The following LRRIQ3 variants were observed in gnomAD, a reference collection of about 807,000 sequenced individuals.
LRRIQ3 encodes leucine-rich repeat and IQ domain-containing protein 3.
A neutral mutation model predicts 59.3 loss-of-function variants in LRRIQ3; 75 were observed. That is an observed-to-expected ratio of 1.26 (90% CI 1.05 to 1.53). The LOEUF (loss-of-function observed/expected upper bound fraction) is 1.53. LRRIQ3 is among the 40% of genes most tolerant of loss of function. The probability of loss-of-function intolerance (pLI) is 0.00; values close to 1 mark genes in which losing one functional copy is unlikely to be tolerated. For synonymous variants in LRRIQ3, 250 were observed against 231.3 expected (o/e 1.08, Z -0.73); for missense variants, 831 against 710.0 (o/e 1.17, Z -1.94).
intron 4 of LRRIQ3, among the ~76,000 whole-genome samples, chr1:74,112,318 G>T (rs1019212591): frequency 6.6e-6 from 1 of 152,178 alleles, no homozygotes; most frequent in East Asian, 1.9e-4. Context: ...AAATCTAAAG[G>T]CACTGTTAAA....
intron 5 of LRRIQ3, among the ~76,000 whole-genome samples, chr1:74,075,568 GA>G (rs745376071): frequency 8.7e-4 from 117 of 134,366 alleles, no homozygotes; most frequent in Middle Eastern, 3.8e-3. Context: ...CTCCGTCTCA[GA>G]AAAAAAAAAA....
intron 6 of LRRIQ3, among the ~76,000 whole-genome samples, chr1:74,063,159 G>A (rs527719722): frequency 6.6e-6 from 1 of 150,820 alleles, no homozygotes; most frequent in East Asian, 2.0e-4. Context: ...AACAAAACGA[G>A]GAAGGGTGTT....
intron 3 of LRRIQ3, chr1:74,180,679 A>G: frequency 1.3e-6 from 2 of 1,539,772 alleles, no homozygotes; most frequent in Admixed American, 2.0e-5. Context: ...TTGTGATGCA[A>G]TGTTGACTGC....
chr1:74,151,320 G>A (rs1256448102), intron 4 of LRRIQ3, among the ~76,000 whole-genome samples: 1 of 152,118 alleles, frequency 6.6e-6, no homozygotes, highest in Non-Finnish European at 1.5e-5. Context: ...GGCACTGTGG[G>A]ATAATAGTTA....
At chr1:74,112,811 C>T (rs1312311883) in intron 4 of LRRIQ3, among the ~76,000 whole-genome samples, 1 of 152,054 alleles carries the variant, frequency 6.6e-6, no homozygotes, top group Non-Finnish European at 1.5e-5. Context: ...AATTATTAAA[C>T]AAATAAACAA....
At chr1:74,166,173 C>A (rs1428680276) in intron 3 of LRRIQ3, among the ~76,000 whole-genome samples, 2 of 151,664 alleles carry the variant, frequency 1.3e-5, no homozygotes, top group Admixed American at 1.3e-4. Context: ...TCCAGTGAAG[C>A]AATCTAGTCT....
At chr1:74,088,664 T>G (rs1646358243) in intron 5 of LRRIQ3, among the ~76,000 whole-genome samples, 1 of 151,898 alleles carries the variant, frequency 6.6e-6, no homozygotes, top group African/African-American at 2.4e-5. Context: ...ACATGAAAAT[T>G]AGCTCATGAT....
chr1:74,128,251 G>T (rs977754356), intron 4 of LRRIQ3, among the ~76,000 whole-genome samples: 1 of 151,910 alleles, frequency 6.6e-6, no homozygotes, highest in African/African-American at 2.4e-5. Context: ...CTTAGATATT[G>T]ACATCTTTCT....
chr1:74,111,433 T>G (rs1186044032), intron 4 of LRRIQ3, among the ~76,000 whole-genome samples: 1 of 151,940 alleles, frequency 6.6e-6, no homozygotes, highest in Admixed American at 6.6e-5. Context: ...CTTCATGAGA[T>G]AAGACCACAT....
At chr1:74,046,860 C>T (rs1366689246) in intron 6 of LRRIQ3, among the ~76,000 whole-genome samples, 1 of 152,202 alleles carries the variant, frequency 6.6e-6, no homozygotes, top group Non-Finnish European at 1.5e-5. Context: ...AGCTCATCAT[C>T]TTTGGTCATT....
Position 74,195,136 on chromosome 1 carries a change from T to G in LRRIQ3, c.-1+2860A>C, listed in dbSNP as rs141653465. On this transcript the variant is annotated intron_variant, in intron 1 of 7. Coordinates refer to ENST00000354431, the MANE Select transcript of LRRIQ3 (RefSeq NM_001105659.2). ...AGGGCATAGTGAGAAAAAAAATATT[T>G]AAGAAATAAATTGAGAACAGGCTAG... Among the ~76,000 whole-genome samples the G allele has an allele frequency of 3.7e-3, 564 of 152,244 alleles. 9 individuals carry two copies. The highest frequency in any genetic ancestry group is 0.013 in the African/African-American group (525 of 41,536).
At chr1:74,142,776 C>T (rs1487609805) in intron 4 of LRRIQ3, among the ~76,000 whole-genome samples, 1 of 151,878 alleles carries the variant, frequency 6.6e-6, no homozygotes, top group Non-Finnish European at 1.5e-5. Flanking sequence ...AAGGCCATGC[C>T]ACTTATTTTT....
intron 4 of LRRIQ3, among the ~76,000 whole-genome samples, chr1:74,150,483 G>A (rs1647860689): frequency 6.6e-6 from 1 of 151,808 alleles, no homozygotes; most frequent in Admixed American, 6.6e-5. Context: ...CTCCCCATTG[G>A]ATAAGATAAC....
intron 7 of LRRIQ3, among the ~76,000 whole-genome samples, chr1:74,038,942 C>A (rs918769407): frequency 6.6e-6 from 1 of 152,134 alleles, no homozygotes; most frequent in Non-Finnish European, 1.5e-5. Flanking sequence ...TAATGCCTCT[C>A]CAGCAAGGGT....
intron 3 of LRRIQ3, among the ~76,000 whole-genome samples, chr1:74,172,524 T>G (rs1328877445): frequency 6.6e-6 from 1 of 152,198 alleles, no homozygotes; most frequent in East Asian, 1.9e-4. Flanking sequence ...AAGAAGGTTC[T>G]GTGTGTGCTT....
chr1:74,029,199 C>T (rs1653616846), intron 7 of LRRIQ3, among the ~76,000 whole-genome samples: 1 of 151,944 alleles, frequency 6.6e-6, no homozygotes, highest in Non-Finnish European at 1.5e-5. Context: ...AATTGAATAC[C>T]CTTTATTTCT....
At chr1:74,197,598 T>G (rs151031307) in intron 1 of LRRIQ3, among the ~76,000 whole-genome samples, 124 of 152,196 alleles carry the variant, frequency 8.1e-4, no homozygotes, top group African/African-American at 2.9e-3. Flanking sequence ...ACCAAAAATA[T>G]TTGGAGCCTG....
chr1:74,196,372 T>G (rs1314701012), intron 1 of LRRIQ3, among the ~76,000 whole-genome samples: 1 of 152,180 alleles, frequency 6.6e-6, no homozygotes, highest in African/African-American at 2.4e-5. Context: ...TCTGCTGACC[T>G]TCACTCCCTT....
intron 4 of LRRIQ3, among the ~76,000 whole-genome samples, chr1:74,152,504 T>A (rs1319890788): frequency 1.3e-5 from 2 of 152,130 alleles, no homozygotes; most frequent in Admixed American, 1.3e-4. Flanking sequence ...GTGTATATTG[T>A]AGGATTAAGC....
Sources: allele counts gnomAD v4.1 joint callset (sites outside exome capture counted in the v4.1 genomes callset), GRCh38; gene constraint gnomAD v4.1.1; transcripts MANE v1.5; gene names NCBI Gene and HGNC (gene_info 2026-07-23, HGNC 2026-07-21).